Variants in CRTC1 observed in about 807,000 individuals in gnomAD.
The protein encoded by CRTC1 is CREB-regulated transcription coactivator 1.
CRTC1 carries 18 observed loss-of-function variants against 66.1 expected under a neutral mutation model. That is an observed-to-expected ratio of 0.27 (90% CI 0.19 to 0.40). The LOEUF (loss-of-function observed/expected upper bound fraction) is 0.40. Among genes scored for constraint, CRTC1 ranks in the 10% least tolerant of loss-of-function variants. CRTC1 has a pLI of 1.00. For missense variants in CRTC1, 669 were observed against 887.9 expected, an observed-to-expected ratio of 0.75 and a Z score of 3.13; for synonymous variants, 416 against 398.8, an observed-to-expected ratio of 1.04 and a Z score of -0.51.
intron 1 of CRTC1, among the ~76,000 whole-genome samples, chr19:18,735,966 T>C (rs1216730943): frequency 6.6e-6 from 1 of 152,154 alleles, no homozygotes; most frequent in Non-Finnish European, 1.5e-5. Context: ...GACTCTTGCC[T>C]TGAGTCTGGC....
At chr19:18,730,347 C>G (rs11880800) in intron 1 of CRTC1, among the ~76,000 whole-genome samples, 37,953 of 152,018 alleles carry the variant, frequency 0.25, 5,265 homozygotes, top group East Asian at 0.52. Context: ...ACCGAGCCCC[C>G]CTGCTTCACA....
intron 2 of CRTC1, among the ~76,000 whole-genome samples, chr19:18,744,772 G>A (rs917530762): frequency 1.3e-5 from 2 of 152,274 alleles, no homozygotes; most frequent in East Asian, 1.9e-4. Context: ...CAAGAGCCAC[G>A]GAAAGACCCA....
rs555463141 is a variant in CRTC1, at chr19:18,745,839, C to T, written c.260C>T (p.Ser87Leu). 4.0e-5 allele frequency: 65 copies of T among 1,613,888 alleles called. No homozygotes were observed. In the South Asian group the frequency reaches 5.8e-4, roughly 14 times the overall value. The change falls in exon 3 of 14, where the codon TCG (serine) becomes TTG (leucine). Residue 87 changes from serine (S) to leucine (L), a missense_variant. Ser to Leu is a moderately radical substitution (Grantham distance 145). Transcript: ENST00000321949. Reference protein sequence around the residue: ...DLPFQTPFQSSGLDTSRTTRH... With the variant: ...DLPFQTPFQSLGLDTSRTTRH... ...CTCCCCCAGACCCCCTTCCAATCCTCGGGCCTGGACACCAGCCGGACCACC... is the reference window on the plus strand; with the variant it reads ...CTCCCCCAGACCCCCTTCCAATCCTTGGGCCTGGACACCAGCCGGACCACC...
intron 1 of CRTC1, among the ~76,000 whole-genome samples, chr19:18,727,013 G>A (rs11878507): frequency 0.53 from 80,544 of 151,058 alleles, 21,790 homozygotes; most frequent in East Asian, 0.82. Flanking sequence ...TTGGAAGGCC[G>A]AGGTGGGAGG....
At chr19:18,746,061 A>G in intron 3 of CRTC1, 101 bp downstream of exon 3, 1 of 1,448,286 alleles carries the variant, frequency 6.9e-7, no homozygotes. Context: ...GCCTGCTTCC[A>G]GCTCTGGGGA....
intron 1 of CRTC1, among the ~76,000 whole-genome samples, chr19:18,695,592 G>A (rs2052965601): frequency 6.6e-6 from 1 of 152,238 alleles, no homozygotes; most frequent in African/African-American, 2.4e-5. Context: ...ACGGCCGGGT[G>A]TGGTGGCTCA....
chr19:18,689,564 C>CATATATATATAT (rs10616884), intron 1 of CRTC1, among the ~76,000 whole-genome samples: 7 of 38,338 alleles, frequency 1.8e-4, no homozygotes, highest in African/African-American at 1.7e-3. Flanking sequence ...AATTGATGGC[C>CATATATATATAT]ATATATATAT....
chr19:18,725,224 C>T (rs545202656), intron 1 of CRTC1, among the ~76,000 whole-genome samples: 4 of 152,260 alleles, frequency 2.6e-5, no homozygotes, highest in African/African-American at 9.6e-5. Flanking sequence ...GGGGAGGCCT[C>T]CTGTGACCTC....
chr19:18,745,990 G>C, intron 3 of CRTC1, 30 bp downstream of exon 3: 1 of 1,586,630 alleles, frequency 6.3e-7, no homozygotes, highest in Non-Finnish European at 8.6e-7. Flanking sequence ...ATGAGGGTGG[G>C]GGCCAGGCCC....
rs1462312599 is a variant in CRTC1, at chr19:18,760,522, G to A, written c.886+294G>A. 1.3e-5 allele frequency among the ~76,000 whole-genome samples: 2 copies of A among 151,978 alleles called. No individual in the cohort carries two copies. Among genetic ancestry groups the A allele is most frequent in the Non-Finnish European group, 2.9e-5 (2 of 67,944 alleles). On this transcript the variant is annotated intron_variant, in intron 8 of 13. Coordinates refer to ENST00000321949, the MANE Select transcript of CRTC1 (RefSeq NM_015321.3). The surrounding 1 kb of genome is among the most constrained non-coding windows in gnomAD (Gnocchi z 6.2). ...GGGAAGCCCTGGGAGTTTTAACGCAGCTGGGGTGGGCCAGGCCTTCCCTCC... is the reference window on the plus strand; with the variant it reads ...GGGAAGCCCTGGGAGTTTTAACGCAACTGGGGTGGGCCAGGCCTTCCCTCC...
At chr19:18,688,160 C>A (rs141905448) in intron 1 of CRTC1, among the ~76,000 whole-genome samples, 1 of 152,040 alleles carries the variant, frequency 6.6e-6, no homozygotes, top group South Asian at 2.1e-4. Context: ...TCAATGCATC[C>A]GAATGAAGCA....
intron 11 of CRTC1, among the ~76,000 whole-genome samples, chr19:18,773,807 G>A (rs2054923749): frequency 6.6e-6 from 1 of 152,030 alleles, no homozygotes; most frequent in South Asian, 2.1e-4. Flanking sequence ...GAGCGTGTCT[G>A]TCTCTGTTGT....
intron 1 of CRTC1, among the ~76,000 whole-genome samples, chr19:18,729,668 A>T (rs2053842467): frequency 6.6e-6 from 1 of 151,856 alleles, no homozygotes; most frequent in Admixed American, 6.6e-5. Context: ...TTGAGCCTGG[A>T]AGGTTGAGGC....
In CRTC1 at chr19:18,780,281, C is replaced by A. The variant is rs531581029; in HGVS notation, c.*2899C>A. ...CAGACCCTCTGCTGGGTACATCGGT[C>A]CCCTACGGCGAAGTTCAGCCAGGGC... On this transcript the variant is annotated 3_prime_UTR_variant, in exon 14 of 14. Transcript: ENST00000321949. The A allele has an allele frequency of 2.2e-4, 51 of 231,454 alleles. No individual in the cohort carries two copies. The highest frequency in any genetic ancestry group is 4.0e-4 in the Non-Finnish European group (47 of 116,940). The allele number at this position is 231,454 out of a possible 1,614,324, so 14.3% of individuals were successfully genotyped here. A position where few individuals can be genotyped will look rare whatever the true frequency, so the allele number is the denominator to read the frequency against.
At position 18,741,210 on chromosome 19, in the gene CRTC1, C is replaced by T. The variant is rs573732304; in HGVS notation, c.127-1700C>T. 2.0e-5 allele frequency among the ~76,000 whole-genome samples: 3 copies of T among 152,162 alleles called. No homozygotes were observed. The highest frequency in any genetic ancestry group is 7.2e-5 in the African/African-American group (3 of 41,438). On this transcript the variant is annotated intron_variant, in intron 1 of 13. Transcript: ENST00000321949. This position sits in a 1 kb window ranked among gnomAD's most constrained non-coding sequence, Gnocchi z 4.2. The stretch of plus-strand genomic sequence containing the variant: ...TGTCCCCAGTCCTGTAGATTGTCCC[C>T]GCATCCCAGGTTTCCTGTGGCCCGG...
At chr19:18,763,044 C>T (rs2054649996) in intron 8 of CRTC1, among the ~76,000 whole-genome samples, 1 of 152,228 alleles carries the variant, frequency 6.6e-6, no homozygotes, top group Non-Finnish European at 1.5e-5. Context: ...TGCTCCTTTT[C>T]TAGGCTTAGA....
chr19:18,759,171 C>G (rs1383971450), intron 6 of CRTC1, among the ~76,000 whole-genome samples: 1 of 152,176 alleles, frequency 6.6e-6, no homozygotes, highest in East Asian at 1.9e-4. Flanking sequence ...CCACTGCACT[C>G]TAGCCTGGGT....
chr19:18,753,151 C>T (rs2054405775), intron 5 of CRTC1, among the ~76,000 whole-genome samples: 2 of 151,890 alleles, frequency 1.3e-5, no homozygotes, highest in African/African-American at 4.8e-5. Flanking sequence ...TGGCGGGCAC[C>T]TGTAGTCCCA....
Position 18,777,420 on chromosome 19 carries a change from C to G in CRTC1, c.*38C>G. 2 of 1,570,578 alleles carry G rather than the reference C, an allele frequency of 1.3e-6. No homozygotes were observed. Among genetic ancestry groups the G allele is most frequent in the Non-Finnish European group, 1.7e-6 (2 of 1,154,424 alleles). On this transcript the variant is annotated 3_prime_UTR_variant, in exon 14 of 14. Transcript: ENST00000321949. The surrounding 1 kb of genome is among the most constrained non-coding windows in gnomAD (Gnocchi z 5.5). ...GCACCCTGCCGCTCAGCCGTCCCGA[C>G]GGCGCCTCCCCAGCCCGGGGACGGC...
Sources: allele counts gnomAD v4.1 joint callset (sites outside exome capture counted in the v4.1 genomes callset), GRCh38; gene constraint gnomAD v4.1.1; non-coding constraint Gnocchi (gnomAD v3.1); transcripts MANE v1.5; gene names NCBI Gene and HGNC (gene_info 2026-07-23, HGNC 2026-07-21).